Variants in NDUFS1 observed in about 807,000 individuals in gnomAD.
NDUFS1 encodes the protein NADH-ubiquinone oxidoreductase 75 kDa subunit, mitochondrial.
NDUFS1 carries 61 observed loss-of-function variants against 84.4 expected under a neutral mutation model. That is an observed-to-expected ratio of 0.72 (90% CI 0.59 to 0.89). NDUFS1 has a LOEUF of 0.89. Ranked by LOEUF, NDUFS1 falls within the 40% of genes least tolerant of loss-of-function variation. The probability of loss-of-function intolerance (pLI) is 0.00; values close to 1 mark genes in which losing one functional copy is unlikely to be tolerated. For synonymous variants in NDUFS1, 275 were observed against 290.0 expected, an observed-to-expected ratio of 0.95 and a Z score of 0.53; for missense variants, 891 against 890.0, an observed-to-expected ratio of 1.00 and a Z score of -0.01.
rs1691583233 is a variant in NDUFS1, at chr2:206,133,193, C to T, written c.1393-88G>A. The T allele has an allele frequency of 2.7e-6, 3 of 1,122,638 alleles. No individual in the cohort carries two copies. In the South Asian group the frequency reaches 4.4e-5, roughly 17 times the overall value. The allele number at this position is 1,122,638 out of a possible 1,614,324, so 69.5% of individuals were successfully genotyped here. On this transcript the variant is annotated intron_variant, in intron 13 of 18. Transcript: ENST00000233190. ...TATTTGCCTCTATAATATAGGTTGTCCCAAGTCTTAGGTGTAACATGAATG... is the reference window on the plus strand; with the variant it reads ...TATTTGCCTCTATAATATAGGTTGTTCCAAGTCTTAGGTGTAACATGAATG...
At chr2:206,156,996 C>T (rs9750412) in intron 1 of NDUFS1, among the ~76,000 whole-genome samples, 3,994 of 152,312 alleles carry the variant, frequency 0.026, 178 homozygotes, top group African/African-American at 0.091. Flanking sequence ...CTCACTCTGT[C>T]ACCCAGGTTG....
At chr2:206,146,749 T>C (rs1692166563) in intron 8 of NDUFS1, among the ~76,000 whole-genome samples, 154 bp downstream of exon 8, 1 of 152,212 alleles carries the variant, frequency 6.6e-6, no homozygotes, top group Non-Finnish European at 1.5e-5. Flanking sequence ...CAATCCATTC[T>C]AACTACTTAC....
rs1228750239 is a variant in NDUFS1 at position 206,118,017 on chromosome 2, G to T, written c.*6168C>A. Reference sequence around the variant, plus strand: ...ATTTCCAACATATGCTTTTAGTCCAGTCTAATCACCAGTCTCAGACTATAC... The same window carrying T: ...ATTTCCAACATATGCTTTTAGTCCATTCTAATCACCAGTCTCAGACTATAC... On this transcript the variant is annotated 3_prime_UTR_variant, in exon 19 of 19. Transcript: ENST00000233190. 1 of 152,046 alleles carries T rather than the reference G, an allele frequency of 6.6e-6. No homozygotes were observed. Among genetic ancestry groups the T allele is most frequent in the East Asian group, 1.9e-4 (1 of 5,202 alleles). 9.4% of individuals were successfully genotyped at this position (152,046 alleles called of 1,614,324 possible). A position where few individuals can be genotyped will look rare whatever the true frequency, so the allele number is the denominator to read the frequency against.
chr2:206,119,873 C>T lies in NDUFS1; in HGVS notation c.*4312G>A, dbSNP rs566124266. ...TATGTTGCTGATATGGTTTGGATGG[C>T]TGTCACTTCCAAATCTCATGTTGAA... On this transcript the variant is annotated 3_prime_UTR_variant, in exon 19 of 19. Coordinates refer to ENST00000233190, the MANE Select transcript of NDUFS1 (RefSeq NM_005006.7). The T allele has an allele frequency of 1.3e-5, 2 of 151,770 alleles. No homozygotes were observed. Among genetic ancestry groups the T allele is most frequent in the South Asian group, 4.2e-4 (2 of 4,810 alleles). 9.4% of individuals were successfully genotyped at this position (151,770 alleles called of 1,614,324 possible).
At chr2:206,149,538 G>A (rs1692288182) in intron 4 of NDUFS1, among the ~76,000 whole-genome samples, 1 of 152,022 alleles carries the variant, frequency 6.6e-6, no homozygotes, top group Non-Finnish European at 1.5e-5. Context: ...CTACATCCTG[G>A]TTATATATTA....
chr2:206,146,476 GAT>G (rs1330177964), intron 8 of NDUFS1, among the ~76,000 whole-genome samples: 6 of 151,714 alleles, frequency 4.0e-5, no homozygotes, highest in Non-Finnish European at 7.4e-5. Context: ...GAGAATGAGA[GAT>G]ATACACAGAA....
At chr2:206,133,204 G>A in intron 13 of NDUFS1, 99 bp from the exon 14 acceptor site, 1 of 960,100 alleles carries the variant, frequency 1.0e-6, no homozygotes, top group Non-Finnish European at 1.5e-6. Context: ...CCAAGTCTTA[G>A]GTGTAACATG....
Position 206,153,633 on chromosome 2 carries a change from ACTTAGAAAGGCCTACTAAGGCCTTT to A in NDUFS1, c.21_45del (p.Arg7SerfsTer17), listed in dbSNP as rs1369231921. 1 of 1,547,560 alleles carries A rather than the reference ACTTAGAAAGGCCTACTAAGGCCTTT, an allele frequency of 6.5e-7. No individual in the cohort carries two copies. On this transcript the variant is annotated frameshift_variant, in exon 2 of 19. Coordinates refer to ENST00000233190, the MANE Select transcript of NDUFS1 (RefSeq NM_005006.7). LOFTEE classifies it high-confidence loss of function. ...AAATACTCACCACATCCTTTAGGAG[ACTTAGAAAGGCCTACTAAGGCCTTT>A]CTTACAGGTATCCTTAACATATTGC... is the stretch of plus-strand genomic sequence containing the variant.
chr2:206,134,865 T>A (rs891674712), intron 13 of NDUFS1, among the ~76,000 whole-genome samples: 5 of 152,006 alleles, frequency 3.3e-5, no homozygotes, highest in African/African-American at 1.2e-4. Flanking sequence ...CAGACCCAGC[T>A]ACAGGGGAGG....
chr2:206,138,866 C>A (rs1258901915), intron 12 of NDUFS1, among the ~76,000 whole-genome samples: 4 of 152,144 alleles, frequency 2.6e-5, no homozygotes, highest in African/African-American at 9.7e-5. Flanking sequence ...CTGTAAATCC[C>A]AACACTTTAG....
In NDUFS1 at chr2:206,115,862, G is replaced by A. The variant is rs144846602; in HGVS notation, c.*8323C>T. 2.0e-5 allele frequency: 10 copies of A among 506,052 alleles called. No homozygotes were observed. The highest frequency in any genetic ancestry group is 1.6e-4 in the African/African-American group (8 of 49,744). The allele number at this position is 506,052 out of a possible 1,614,324, so 31.3% of individuals were successfully genotyped here. On this transcript the variant is annotated 3_prime_UTR_variant, in exon 19 of 19. Transcript: ENST00000233190. ...AATTTTTACCATGGATAATTTCATG[G>A]ATAATTTCATGAATACTAGAGCCTA...
chr2:206,151,991 G>A (rs1158772809), intron 3 of NDUFS1, among the ~76,000 whole-genome samples: 8 of 151,996 alleles, frequency 5.3e-5, no homozygotes, highest in South Asian at 2.1e-4. Context: ...TCAGCCTCTC[G>A]AGTAGCTGGG....
intron 12 of NDUFS1, among the ~76,000 whole-genome samples, chr2:206,141,194 T>C (rs2105965477): frequency 6.6e-6 from 1 of 152,126 alleles, no homozygotes; most frequent in South Asian, 2.1e-4. Context: ...GGTGGGAGGA[T>C]GGCCTGAACC....
intron 1 of NDUFS1, among the ~76,000 whole-genome samples, chr2:206,158,186 T>G (rs1298491308): frequency 6.6e-6 from 1 of 151,970 alleles, no homozygotes; most frequent in Non-Finnish European, 1.5e-5. Flanking sequence ...ATGGTCTCGA[T>G]CTCCTGGCCT....
chr2:206,142,912 T>A, intron 10 of NDUFS1, 81 bp from the exon 11 acceptor site: 1 of 1,551,942 alleles, frequency 6.4e-7, no homozygotes, highest in East Asian at 2.4e-5. Flanking sequence ...AATAAAACAG[T>A]ACTTGTTTTC....
chr2:206,146,983 A>G lies in NDUFS1; in HGVS notation c.657T>C (p.Ser219=), dbSNP rs769758900. 1 of 1,614,144 alleles carries G rather than the reference A, an allele frequency of 6.2e-7. No homozygotes were observed. The highest frequency in any genetic ancestry group is 1.7e-4 in the Middle Eastern group (1 of 6,060). ...YIEKMFMSEL[S]GNIIDICPVG... Reference sequence around the variant, plus strand: ...CAGGGCAGATATCAATGATATTCCCAGACAGTTCAGACATGAACATCTTTT... The same window carrying G: ...CAGGGCAGATATCAATGATATTCCCGGACAGTTCAGACATGAACATCTTTT... Residue 219 remains serine, a synonymous_variant, in exon 8 of 19, where the codon TCT becomes TCC. Transcript: ENST00000233190.
At chr2:206,159,213 G>T in intron 1 of NDUFS1, 128 bp downstream of exon 1, 1 of 1,446,460 alleles carries the variant, frequency 6.9e-7, no homozygotes, top group Non-Finnish European at 9.4e-7. Context: ...CCGAGGCGGC[G>T]GGGCGGGAGG....
At chr2:206,134,381 C>T (rs76518185) in intron 13 of NDUFS1, among the ~76,000 whole-genome samples, 4,003 of 152,126 alleles carry the variant, frequency 0.026, 84 homozygotes, top group South Asian at 0.042. Context: ...GGCCTGTAAT[C>T]GCAACACTCT....
At chr2:206,136,520 G>A (rs1461236777) in intron 13 of NDUFS1, among the ~76,000 whole-genome samples, 1 of 145,720 alleles carries the variant, frequency 6.9e-6, no homozygotes, top group Non-Finnish European at 1.5e-5. Context: ...TGCAACCTCC[G>A]TCTTCTGGGT....
Sources: allele counts gnomAD v4.1 joint callset (sites outside exome capture counted in the v4.1 genomes callset), GRCh38; gene constraint gnomAD v4.1.1; transcripts MANE v1.5; gene names NCBI Gene and HGNC (gene_info 2026-07-23, HGNC 2026-07-21).